Variants in PDCD6IP observed in about 807,000 individuals in gnomAD.
PDCD6IP encodes programmed cell death 6 interacting protein.
In PDCD6IP, 43 loss-of-function variants were observed where a neutral mutation model predicts 103.7. The observed-to-expected ratio is 0.41, with a 90% CI of 0.32 to 0.53. The LOEUF (loss-of-function observed/expected upper bound fraction) is 0.53. Ranked by LOEUF, PDCD6IP falls within the 20% of genes least tolerant of loss-of-function variation. PDCD6IP has a pLI of 0.16. For missense variants in PDCD6IP, 871 were observed against 1,036.7 expected (o/e 0.84, Z 2.20); for synonymous variants, 354 against 378.7 (o/e 0.93, Z 0.76).
At chr3:33,865,107 C>T (rs750141166) in intron 16 of PDCD6IP, 136 bp from the exon 17 acceptor site, 97 of 578,680 alleles carry the variant, frequency 1.7e-4, no homozygotes, top group Non-Finnish European at 2.3e-4. Flanking sequence ...AGTAATAAGC[C>T]GGTATTTAAG....
At chr3:33,806,277 C>T (rs1339985420) in intron 1 of PDCD6IP, among the ~76,000 whole-genome samples, 2 of 152,074 alleles carry the variant, frequency 1.3e-5, no homozygotes, top group Non-Finnish European at 2.9e-5. Flanking sequence ...TCCTGTGTGT[C>T]CAGGAACTAT....
At position 33,838,240 on chromosome 3, in the gene PDCD6IP, A is replaced by C; in HGVS notation, c.1094A>C (p.Gln365Pro). Residue 365 changes from glutamine (Q) to proline (P), a missense_variant, in exon 9 of 18, where the codon CAG (glutamine) becomes CCG (proline). Physicochemically the swap from Gln to Pro is moderately conservative, Grantham distance 76 (BLOSUM62 -1). This residue lies in a region of PDCD6IP where 266 missense variants were observed against 390.5 expected (regional missense o/e 0.68). Coordinates refer to ENST00000307296, the MANE Select transcript of PDCD6IP (RefSeq NM_013374.6). ...AAGATGGTTCCCGTGTCAGTACAGC[A>C]GTCTTTGGCTGCCTATAATCAGAGG... ...FEKMVPVSVQ[Q>P]SLAAYNQRKA... is the part of the protein sequence containing the mutation. 2 of 1,613,538 alleles carry C rather than the reference A, an allele frequency of 1.2e-6. No individual in the cohort carries two copies. Among genetic ancestry groups the C allele is most frequent in the Non-Finnish European group, 8.5e-7 (1 of 1,179,468 alleles).
rs2125455287 is a variant in PDCD6IP, at chr3:33,865,415, A to G, written c.2417A>G (p.Tyr806Cys). 1.9e-6 allele frequency: 3 copies of G among 1,588,334 alleles called. No homozygotes were observed. Among genetic ancestry groups the G allele is most frequent in the East Asian group, 2.4e-5 (1 of 42,306 alleles). Residue 806 changes from tyrosine (Y) to cysteine (C), a missense_variant, in exon 17 of 18, where the codon TAT (tyrosine) becomes TGT (cysteine). Tyr to Cys is a radical substitution (Grantham distance 194). Transcript: ENST00000307296. ...PQAQGPPYPT[Y>C]PGYPGYCQMP... The stretch of plus-strand genomic sequence containing the variant: ...GCGCAGGGACCACCCTATCCCACCT[A>G]TCCAGGATATCCTGGGTAAGGCTGC...
intron 3 of PDCD6IP, among the ~76,000 whole-genome samples, chr3:33,814,120 T>C (rs1696777697): frequency 6.6e-6 from 1 of 151,546 alleles, no homozygotes; most frequent in Admixed American, 6.6e-5. Context: ...GAAATGGAGA[T>C]AATACTATTT....
intron 11 of PDCD6IP, among the ~76,000 whole-genome samples, chr3:33,844,561 G>C (rs1697548069): frequency 6.6e-6 from 1 of 152,030 alleles, no homozygotes; most frequent in African/African-American, 2.4e-5. Context: ...GCTCGCTGCA[G>C]CCCCAACCTC....
chr3:33,863,073 T>C (rs962080079), intron 15 of PDCD6IP, among the ~76,000 whole-genome samples: 1 of 152,206 alleles, frequency 6.6e-6, no homozygotes, highest in African/African-American at 2.4e-5. Context: ...TCAGTTTTTG[T>C]TATATTGATA....
In PDCD6IP at chr3:33,841,967, T is replaced by G; in HGVS notation, c.1252T>G (p.Leu418Val). 4 of 1,584,122 alleles carry G rather than the reference T, an allele frequency of 2.5e-6. No homozygotes were observed. The highest frequency in any genetic ancestry group is 3.5e-6 in the Non-Finnish European group (4 of 1,152,804). The change falls in exon 10 of 18, where the codon TTG becomes GTG. Residue 418 changes from leucine to valine, a missense_variant. Around this residue, in one of 5 missense-constraint regions of PDCD6IP, gnomAD observed 266 missense variants for 390.5 expected, o/e 0.68. Transcript: ENST00000307296. ...TGGAGACACTGTACCTCAGTCTATATTGACTAAATCCAGATCTGTGATTGA... is the reference window on the plus strand; with the variant it reads ...TGGAGACACTGTACCTCAGTCTATAGTGACTAAATCCAGATCTGTGATTGA... ...VSGDTVPQSI[L>V]TKSRSVIEQG...
rs369522029 is a variant in PDCD6IP, at chr3:33,825,222, G to A, written c.498G>A (p.Thr166=). The A allele has an allele frequency of 3.7e-6, 6 of 1,612,118 alleles. No individual in the cohort carries two copies. The highest frequency in any genetic ancestry group is 1.1e-5 in the South Asian group (1 of 90,502). Residue 166 remains threonine (T), a synonymous_variant, in exon 5 of 18, where the codon ACG becomes ACA. Transcript: ENST00000307296. ...ASGAFLHIKE[T]VLSALSREPT... The stretch of plus-strand genomic sequence containing the variant: ...GTGCCTTTTTACATATTAAAGAGAC[G>A]GTTTTATCTGCCTTAAGTCGAGAGC...
chr3:33,850,995 A>T (rs187222089), intron 12 of PDCD6IP, among the ~76,000 whole-genome samples: 16 of 151,576 alleles, frequency 1.1e-4, no homozygotes, highest in Non-Finnish European at 4.4e-5. Flanking sequence ...GGAGATATGG[A>T]TGTAAACAAG....
chr3:33,836,075 C>G lies in PDCD6IP; in HGVS notation c.866C>G (p.Ser289Cys). 6.2e-7 allele frequency: 1 copy of G among 1,609,932 alleles called. No homozygotes were observed. Among genetic ancestry groups the G allele is most frequent in the Non-Finnish European group, 8.5e-7 (1 of 1,176,616 alleles). The change falls in exon 8 of 18, where the codon TCT becomes TGT. Residue 289 changes from serine to cysteine, a missense_variant. Coordinates refer to ENST00000307296, the MANE Select transcript of PDCD6IP (RefSeq NM_013374.6). ...GCAGAACTGATTAAAACAGTGGCAT[C>G]TCGCTATGATGAATATGTTAATGTG... ...HAAELIKTVA[S>C]RYDEYVNVKD...
At position 33,812,076 on chromosome 3, in the gene PDCD6IP, T is replaced by C. The variant is rs778487193; in HGVS notation, c.214T>C (p.Tyr72His). The change falls in exon 2 of 18, where the codon TAT becomes CAT. Residue 72 changes from tyrosine (Y) to histidine (H), a missense_variant. Tyr to His is a moderately conservative substitution (Grantham distance 83). Around this residue, in one of 5 missense-constraint regions of PDCD6IP, gnomAD observed 114 missense variants for 106.7 expected, o/e 1.07. Coordinates refer to ENST00000307296, the MANE Select transcript of PDCD6IP (RefSeq NM_013374.6). ...TAATTCTGCTCTATTTTTTAGATAT[T>C]ATGATCAGATTTGTTCTATTGAACC... ...EGALETLLRY[Y>H]DQICSIEPKF... The C allele has an allele frequency of 6.9e-6, 11 of 1,593,568 alleles. No homozygotes were observed. The highest frequency in any genetic ancestry group is 9.4e-6 in the Non-Finnish European group (11 of 1,171,592).
At chr3:33,803,341 A>G (rs1363043607) in intron 1 of PDCD6IP, among the ~76,000 whole-genome samples, 2 of 152,190 alleles carry the variant, frequency 1.3e-5, no homozygotes, top group African/African-American at 2.4e-5. Flanking sequence ...GCTTTTTGCT[A>G]AACTGATGGG....
At chr3:33,820,053 G>T (rs1696953467) in intron 3 of PDCD6IP, among the ~76,000 whole-genome samples, 1 of 152,168 alleles carries the variant, frequency 6.6e-6, no homozygotes, top group South Asian at 2.1e-4. Context: ...GGAGGCCGAG[G>T]TGGGAGGATT....
At chr3:33,818,763 C>T (rs1402952302) in intron 3 of PDCD6IP, among the ~76,000 whole-genome samples, 3 of 151,942 alleles carry the variant, frequency 2.0e-5, no homozygotes, top group African/African-American at 7.3e-5. Flanking sequence ...GTGATCTGTC[C>T]GCCTCAGCCT....
rs1698069456 is a variant in PDCD6IP at position 33,866,519 on chromosome 3, G to A, written c.2601G>A (p.Gln867=). 2 of 1,599,120 alleles carry A rather than the reference G, an allele frequency of 1.3e-6. No homozygotes were observed. Among genetic ancestry groups the A allele is most frequent in the Non-Finnish European group, 1.7e-6 (2 of 1,175,316 alleles). The change falls in exon 18 of 18, where the codon CAG becomes CAA. Residue 867 remains glutamine (Q), a synonymous_variant. Coordinates refer to ENST00000307296, the MANE Select transcript of PDCD6IP (RefSeq NM_013374.6). ...PQPPQQSYYP[Q]Q ...CCCCACAGCAGTCTTACTATCCACA[G>A]CAGTAATATGTCTGCTCAGCAGCTC... is the stretch of plus-strand genomic sequence containing the variant.
chr3:33,819,138 G>A lies in PDCD6IP; in HGVS notation c.335-2817G>A, dbSNP rs865881108. Among the ~76,000 whole-genome samples the A allele has an allele frequency of 4.0e-5, 6 of 151,532 alleles. No individual in the cohort carries two copies. The South Asian group carries it at 6.3e-4, about 16-fold the overall frequency. ...GTTGGTTGTTCTGAGTTGTTCACTC[G>A]TAATTTTTATATTTTTTCTTGACTT... On this transcript the variant is annotated intron_variant, in intron 3 of 17. Transcript: ENST00000307296.
rs560771018 is a variant in PDCD6IP at position 33,866,458 on chromosome 3, C to T, written c.2540C>T (p.Pro847Leu). Reference protein sequence around the residue: ...YHQSPGQAPYPGPQQPSYPFP... With the variant: ...YHQSPGQAPYLGPQQPSYPFP... ...CAGAGTCCTGGACAGGCTCCATACC[C>T]GGGACCCCAGCAGCCTTCATACCCC... The change falls in exon 18 of 18, where the codon CCG (proline) becomes CTG (leucine). Residue 847 changes from proline to leucine, a missense_variant. Physicochemically the swap from Pro to Leu is moderately conservative, Grantham distance 98. This residue lies in a region of PDCD6IP where 202 missense variants were observed against 205.2 expected (regional missense o/e 0.98). Transcript: ENST00000307296. 4.0e-5 allele frequency: 65 copies of T among 1,611,920 alleles called. No individual in the cohort carries two copies. Among genetic ancestry groups the T allele is most frequent in the Middle Eastern group, 1.6e-4 (1 of 6,082 alleles).
intron 7 of PDCD6IP, among the ~76,000 whole-genome samples, chr3:33,833,930 G>C (rs1697292386): frequency 6.7e-6 from 1 of 149,218 alleles, no homozygotes; most frequent in Admixed American, 6.7e-5. Context: ...GGCTCTTAAA[G>C]CCTACCCTGG....
intron 8 of PDCD6IP, among the ~76,000 whole-genome samples, chr3:33,837,125 G>C (rs960972459): frequency 2.0e-5 from 3 of 151,892 alleles, no homozygotes; most frequent in African/African-American, 7.3e-5. Context: ...TCTCCGTGTT[G>C]GTCAGGCTGG....
Sources: allele counts gnomAD v4.1 joint callset (sites outside exome capture counted in the v4.1 genomes callset), GRCh38; gene constraint gnomAD v4.1.1; regional missense constraint gnomAD v4.1.1; transcripts MANE v1.5; gene names NCBI Gene and HGNC (gene_info 2026-07-23, HGNC 2026-07-21).